The following FOXP1 variants were observed in gnomAD, a reference collection of about 807,000 sequenced individuals.
FOXP1 encodes forkhead box P1.
A neutral mutation model predicts 98.2 loss-of-function variants in FOXP1; 15 were observed. The observed-to-expected ratio is 0.15, with a 90% CI of 0.10 to 0.24. FOXP1 has a LOEUF of 0.24. FOXP1 is among the 10% of genes least tolerant of loss of function. The probability of loss-of-function intolerance (pLI) is 1.00; values close to 1 mark genes in which losing one functional copy is unlikely to be tolerated. For synonymous variants in FOXP1, 371 were observed against 314.5 expected, an observed-to-expected ratio of 1.18 and a Z score of -1.90; for missense variants, 633 against 848.5, an observed-to-expected ratio of 0.75 and a Z score of 3.15.
intron 5 of FOXP1, among the ~76,000 whole-genome samples, chr3:71,290,870 C>T (rs1379596348): frequency 6.6e-6 from 1 of 152,262 alleles, no homozygotes; most frequent in Admixed American, 6.5e-5. Flanking sequence ...TGAAAGATCC[C>T]AAATCAGAAA....
At chr3:70,986,303 A>G (rs568557434) in intron 14 of FOXP1, among the ~76,000 whole-genome samples, 9 of 152,262 alleles carry the variant, frequency 5.9e-5, no homozygotes, top group African/African-American at 2.2e-4. Flanking sequence ...CAAGCGCCCT[A>G]CGGGGTTTTG....
chr3:71,523,707 T>C (rs989326964), intron 2 of FOXP1, among the ~76,000 whole-genome samples: 1 of 152,084 alleles, frequency 6.6e-6, no homozygotes, highest in African/African-American at 2.4e-5. Flanking sequence ...TTGTAGAAAA[T>C]CCATTGTGTG....
chr3:71,174,789 C>T (rs1364708606), intron 6 of FOXP1, among the ~76,000 whole-genome samples: 1 of 126,530 alleles, frequency 7.9e-6, no homozygotes, highest in African/African-American at 3.3e-5. Flanking sequence ...CATGCATACA[C>T]ACACACACAC....
intron 7 of FOXP1, among the ~76,000 whole-genome samples, chr3:71,075,214 T>C (rs975995193): frequency 6.6e-6 from 1 of 152,234 alleles, no homozygotes; most frequent in Admixed American, 6.5e-5. Flanking sequence ...TGCTAGTTTC[T>C]ATAGACTTCA....
intron 6 of FOXP1, among the ~76,000 whole-genome samples, chr3:71,164,875 G>A (rs2061328344): frequency 6.6e-6 from 1 of 152,122 alleles, no homozygotes; most frequent in African/African-American, 2.4e-5. Context: ...ACATTCCAGC[G>A]CATTATACTT....
At chr3:71,234,087 G>A (rs892634053) in intron 5 of FOXP1, among the ~76,000 whole-genome samples, 4 of 152,138 alleles carry the variant, frequency 2.6e-5, no homozygotes, top group African/African-American at 9.6e-5. Flanking sequence ...CCCATTTGGG[G>A]AGATGGAGGC....
chr3:71,472,352 T>C (rs1232727684), intron 3 of FOXP1, among the ~76,000 whole-genome samples: 1 of 151,948 alleles, frequency 6.6e-6, no homozygotes, highest in Non-Finnish European at 1.5e-5. Context: ...ACACAAACCA[T>C]ACAAAAATGA....
intron 5 of FOXP1, among the ~76,000 whole-genome samples, chr3:71,266,828 T>C (rs1403658072): frequency 6.6e-6 from 1 of 152,174 alleles, no homozygotes; most frequent in Non-Finnish European, 1.5e-5. Flanking sequence ...TGGTACTTGA[T>C]TTTCTGTTTC....
intron 3 of FOXP1, among the ~76,000 whole-genome samples, chr3:71,476,930 T>A (rs1289893006): frequency 6.6e-6 from 1 of 152,248 alleles, no homozygotes; most frequent in East Asian, 1.9e-4. Flanking sequence ...TTTAATAATC[T>A]GTTTCATTAA....
intron 20 of FOXP1, among the ~76,000 whole-genome samples, chr3:70,959,735 C>T (rs2032800294): frequency 6.6e-6 from 1 of 152,076 alleles, no homozygotes; most frequent in Non-Finnish European, 1.5e-5. Context: ...TGGTGTGGGC[C>T]TCTCCTCCCT....
intron 6 of FOXP1, among the ~76,000 whole-genome samples, chr3:71,176,687 G>C (rs893409822): frequency 7.1e-6 from 1 of 141,114 alleles, no homozygotes; most frequent in Non-Finnish European, 1.5e-5. Flanking sequence ...GCTGCAGTGA[G>C]CTATGATTGG....
intron 1 of FOXP1, chr3:71,582,265 G>T (rs1162214905): frequency 3.0e-6 from 3 of 984,884 alleles, no homozygotes; most frequent in East Asian, 2.3e-4. Flanking sequence ...CTAAGTTTCC[G>T]AGCGCGACGT....
intron 6 of FOXP1, among the ~76,000 whole-genome samples, chr3:71,167,743 C>T (rs1045774491): frequency 1.3e-5 from 2 of 152,186 alleles, no homozygotes; most frequent in African/African-American, 4.8e-5. Flanking sequence ...ATTCTACCTT[C>T]CTCTTGCATT....
intron 5 of FOXP1, among the ~76,000 whole-genome samples, chr3:71,293,199 C>T (rs899424776): frequency 2.6e-5 from 4 of 152,152 alleles, no homozygotes; most frequent in Admixed American, 1.3e-4. Flanking sequence ...ATCTGTGGTA[C>T]GTCGTTAAGT....
At chr3:71,099,826 G>A (rs2056802361) in intron 7 of FOXP1, among the ~76,000 whole-genome samples, 2 of 152,152 alleles carry the variant, frequency 1.3e-5, no homozygotes, top group African/African-American at 4.8e-5. Context: ...CAACCATGCA[G>A]CTGAGTTTGT....
chr3:71,363,231 A>T (rs1159345256), intron 3 of FOXP1, among the ~76,000 whole-genome samples: 2 of 152,196 alleles, frequency 1.3e-5, no homozygotes, highest in Non-Finnish European at 2.9e-5. Flanking sequence ...TAAAATGTGC[A>T]ATTCAAAATA....
At chr3:71,520,392 A>G (rs1038239798) in intron 2 of FOXP1, among the ~76,000 whole-genome samples, 5 of 152,220 alleles carry the variant, frequency 3.3e-5, no homozygotes, top group Non-Finnish European at 7.3e-5. Context: ...TTCTCATTCC[A>G]AATACAAGGG....
chr3:71,538,063 C>CCTTA (rs1193403503), intron 2 of FOXP1, among the ~76,000 whole-genome samples: 21 of 152,102 alleles, frequency 1.4e-4, no homozygotes, highest in Admixed American at 1.4e-3. Context: ...ACTATCTGGC[C>CCTTA]CTTTACAGAA....
chr3:71,039,557 G>A (rs1050247250), intron 11 of FOXP1, among the ~76,000 whole-genome samples: 1 of 152,042 alleles, frequency 6.6e-6, no homozygotes, highest in Non-Finnish European at 1.5e-5. Flanking sequence ...CACAACAGCC[G>A]ATGAGATTGC....
Sources: allele counts gnomAD v4.1 joint callset (sites outside exome capture counted in the v4.1 genomes callset), GRCh38; gene constraint gnomAD v4.1.1; transcripts MANE v1.5; gene names NCBI Gene and HGNC (gene_info 2026-07-23, HGNC 2026-07-21).